The following UBXN2A variants were observed in gnomAD, a reference collection of about 807,000 sequenced individuals.
UBXN2A encodes the protein UBX domain-containing protein 2A.
UBXN2A carries 28 observed loss-of-function variants against 28.4 expected under a neutral mutation model. That is an observed-to-expected ratio of 0.99 (90% CI 0.73 to 1.35). The LOEUF (loss-of-function observed/expected upper bound fraction) is 1.35, where lower values mean the gene tolerates loss of function less well. UBXN2A is among the 40% of genes most tolerant of loss of function. The probability of loss-of-function intolerance (pLI) is 0.00; values close to 1 mark genes in which losing one functional copy is unlikely to be tolerated. For synonymous variants in UBXN2A, 97 were observed against 103.6 expected (o/e 0.94, Z 0.39); for missense variants, 253 against 297.9 (o/e 0.85, Z 1.11).
chr2:23,936,013 A>T (rs1057333821), upstream of UBXN2A, among the ~76,000 whole-genome samples: 1 of 152,076 alleles, frequency 6.6e-6, no homozygotes, highest in Non-Finnish European at 1.5e-5. Context: ...GATTGCACCA[A>T]TGCACTCCAG....
chr2:23,997,846 C>T (rs1302494344), intron 6 of UBXN2A, among the ~76,000 whole-genome samples: 15 of 143,686 alleles, frequency 1.0e-4, no homozygotes, highest in Admixed American at 2.1e-4. Flanking sequence ...GAGTCTTGCT[C>T]TTGTCACCCA....
At chr2:23,938,699 C>G (rs961714923), upstream of UBXN2A, among the ~76,000 whole-genome samples, 1 of 151,896 alleles carries the variant, frequency 6.6e-6, no homozygotes, top group Non-Finnish European at 1.5e-5. Flanking sequence ...CAGCTGTATA[C>G]AGCTACTATA....
rs543262820 is a variant in UBXN2A at position 23,966,403 on chromosome 2, A to G, written c.42-4873A>G. Among the ~76,000 whole-genome samples the G allele has an allele frequency of 4.9e-4, 73 of 150,444 alleles. 1 individual carries two copies. Among genetic ancestry groups the G allele is most frequent in the Middle Eastern group, 3.6e-3 (1 of 280 alleles). On this transcript the variant is annotated intron_variant, in intron 2 of 6. Coordinates refer to ENST00000309033, the MANE Select transcript of UBXN2A (RefSeq NM_181713.4). ...GCCCACCTTGGCCTCCCAAAGTGCTAGGATTACAGGCGTGAGCCACCGCAC... is the reference window on the plus strand; with the variant it reads ...GCCCACCTTGGCCTCCCAAAGTGCTGGGATTACAGGCGTGAGCCACCGCAC...
intron 1 of UBXN2A, among the ~76,000 whole-genome samples, chr2:23,953,695 C>G (rs1222158553): frequency 2.0e-5 from 3 of 152,192 alleles, no homozygotes; most frequent in Non-Finnish European, 4.4e-5. Flanking sequence ...TTTTCTCCCT[C>G]ATAATATATG....
At chr2:23,993,681 T>C (rs184572184) in intron 6 of UBXN2A, among the ~76,000 whole-genome samples, 90 of 145,184 alleles carry the variant, frequency 6.2e-4, no homozygotes, top group African/African-American at 2.2e-3. Context: ...TAAATTTTTT[T>C]AATTTTTTAA....
chr2:23,976,133 A>G (rs1344243492), intron 3 of UBXN2A, among the ~76,000 whole-genome samples: 1 of 152,112 alleles, frequency 6.6e-6, no homozygotes, highest in African/African-American at 2.4e-5. Context: ...TTCTTCTAAC[A>G]TAGTTGTGTC....
rs1405273387 is a variant in UBXN2A at position 23,944,280 on chromosome 2, C to T, written c.-15+3632C>T. On this transcript the variant is annotated intron_variant, in intron 1 of 6. Coordinates refer to ENST00000309033, the MANE Select transcript of UBXN2A (RefSeq NM_181713.4). ...GGACCTAGGAAAAGGCCTGAAGATT[C>T]CCCAGCTATACCAGTCTGGAGTGGT... The T allele has an allele frequency of 1.4e-5, 22 of 1,604,824 alleles. No individual in the cohort carries two copies. In the African/African-American group the frequency reaches 2.7e-4, roughly 19 times the overall value.
chr2:23,932,059 C>T (rs1190258772), intron 1 of UBXN2A, among the ~76,000 whole-genome samples: 1 of 151,602 alleles, frequency 6.6e-6, no homozygotes, highest in Non-Finnish European at 1.5e-5. Flanking sequence ...GTGGTTCTCG[C>T]CTGTAATCCC....
chr2:23,956,981 A>T (rs144055833), intron 1 of UBXN2A, among the ~76,000 whole-genome samples: 1 of 152,362 alleles, frequency 6.6e-6, no homozygotes, highest in East Asian at 1.9e-4. Flanking sequence ...TACTATTTGC[A>T]GATAACGTAT....
chr2:23,972,126 A>G lies in UBXN2A; in HGVS notation c.180+712A>G, dbSNP rs1707447932. On this transcript the variant is annotated intron_variant, in intron 3 of 6. Coordinates refer to ENST00000309033, the MANE Select transcript of UBXN2A (RefSeq NM_181713.4). ...AAGGTAAGGGTAAGGTAAGGTAAAA[A>G]AATAACTGTGTTCACTTTGCACTGA... Among the ~76,000 whole-genome samples, 5 of 152,088 alleles carry G rather than the reference A, an allele frequency of 3.3e-5. No homozygotes were observed. In the South Asian group the frequency reaches 1.0e-3, roughly 32 times the overall value.
chr2:23,977,896 A>G (rs1246858280), intron 4 of UBXN2A, among the ~76,000 whole-genome samples: 1 of 151,980 alleles, frequency 6.6e-6, no homozygotes, highest in Non-Finnish European at 1.5e-5. Flanking sequence ...CAGTGACATG[A>G]TCTCAGCTCA....
chr2:24,003,252 G>T lies in UBXN2A; in HGVS notation c.*3385G>T, dbSNP rs547363343. 1 of 152,124 alleles carries T rather than the reference G, an allele frequency of 6.6e-6. No homozygotes were observed. The highest frequency in any genetic ancestry group is 2.4e-5 in the African/African-American group (1 of 41,416). The allele number at this position is 152,124 out of a possible 1,614,324, so 9.4% of individuals were successfully genotyped here. Reference sequence around the variant, plus strand: ...AAACCTGCATGCTTTCACCATGGACGGTGGGAGACTCCACTGAAACACATC... The same window carrying T: ...AAACCTGCATGCTTTCACCATGGACTGTGGGAGACTCCACTGAAACACATC... On this transcript the variant is annotated 3_prime_UTR_variant, in exon 7 of 7. Transcript: ENST00000309033.
intron 1 of UBXN2A, among the ~76,000 whole-genome samples, chr2:23,930,550 A>G (rs1705336704): frequency 6.6e-6 from 1 of 152,212 alleles, no homozygotes; most frequent in South Asian, 2.1e-4. Flanking sequence ...ATTGTAGACA[A>G]AAGAAAGGAA....
In UBXN2A at chr2:24,002,397, C is replaced by T. The variant is rs543305134; in HGVS notation, c.*2530C>T. 35 of 151,462 alleles carry T rather than the reference C, an allele frequency of 2.3e-4. No individual in the cohort carries two copies. The highest frequency in any genetic ancestry group is 8.5e-4 in the African/African-American group (35 of 41,208). 9.4% of individuals were successfully genotyped at this position (151,462 alleles called of 1,614,324 possible). ...TCTAGCTTAGGCAACAGAGTAAGAC[C>T]CTGCCGTAATAATAATAACTTTTTT... On this transcript the variant is annotated 3_prime_UTR_variant, in exon 7 of 7. Coordinates refer to ENST00000309033, the MANE Select transcript of UBXN2A (RefSeq NM_181713.4).
chr2:23,933,086 C>T (rs1368212482), intron 1 of UBXN2A, among the ~76,000 whole-genome samples: 1 of 151,706 alleles, frequency 6.6e-6, no homozygotes, highest in African/African-American at 2.4e-5. Context: ...GCCTGGGCAA[C>T]AGAGCGAGAC....
intron 2 of UBXN2A, among the ~76,000 whole-genome samples, chr2:23,960,961 C>T (rs1473589859): frequency 2.0e-5 from 3 of 151,202 alleles, no homozygotes; most frequent in African/African-American, 7.3e-5. Context: ...TACAGATTTA[C>T]CTGTTCTGGA....
chr2:23,998,327 G>T (rs1331583486), intron 6 of UBXN2A, among the ~76,000 whole-genome samples: 4 of 152,118 alleles, frequency 2.6e-5, no homozygotes, highest in Non-Finnish European at 5.9e-5. Context: ...GAAAATACTT[G>T]TTTTGTGTAA....
At chr2:23,990,926 C>T (rs914193177) in intron 6 of UBXN2A, among the ~76,000 whole-genome samples, 1 of 152,122 alleles carries the variant, frequency 6.6e-6, no homozygotes, top group African/African-American at 2.4e-5. Flanking sequence ...AGCTACTAAG[C>T]CATGACTACT....
intron 1 of UBXN2A, 122 bp downstream of exon 1, chr2:23,940,770 G>C (rs928462520): frequency 7.2e-5 from 11 of 152,076 alleles, no homozygotes; most frequent in Admixed American, 2.6e-4. Context: ...CGGTGTCGGG[G>C]GGAGTCTCGC....
Sources: gnomAD v4.1 joint callset for allele counts (sites outside exome capture counted in the v4.1 genomes callset) on GRCh38, gnomAD v4.1.1 for gene constraint, MANE v1.5 for transcripts, NCBI Gene and HGNC (gene_info 2026-07-23, HGNC 2026-07-21) for gene names.